SLC24A3: variants seen among roughly 807,000 people sequenced by gnomAD.
The protein encoded by SLC24A3 is sodium/potassium/calcium exchanger 3.
A neutral mutation model predicts 75.8 loss-of-function variants in SLC24A3; 28 were observed. The ratio of observed to expected loss-of-function variants is 0.37; its 90% CI spans 0.27 to 0.51. SLC24A3 has a LOEUF of 0.51. SLC24A3 is among the 20% of genes least tolerant of loss of function. The pLI is 0.94. For missense variants in SLC24A3, 663 were observed against 847.8 expected, an observed-to-expected ratio of 0.78 and a Z score of 2.71; for synonymous variants, 372 against 334.1, an observed-to-expected ratio of 1.11 and a Z score of -1.24.
chr20:19,286,086 G>A (rs1568578921), intron 2 of SLC24A3, among the ~76,000 whole-genome samples: 1 of 152,146 alleles, frequency 6.6e-6, no homozygotes. Flanking sequence ...CTTGATAAAG[G>A]ATCATCCCAC....
chr20:19,659,174 T>C (rs1166896092), intron 7 of SLC24A3, among the ~76,000 whole-genome samples: 2 of 152,196 alleles, frequency 1.3e-5, no homozygotes, highest in African/African-American at 4.8e-5. Flanking sequence ...TCACAAGTGC[T>C]GTCTGTCTGC....
intron 7 of SLC24A3, among the ~76,000 whole-genome samples, chr20:19,656,621 A>AT (rs141035019): frequency 1.3e-5 from 2 of 151,916 alleles, no homozygotes; most frequent in Non-Finnish European, 2.9e-5. Context: ...TTTGAAAAAA[A>AT]TTTTTTTTCA....
chr20:19,318,803 G>A (rs180868680), intron 2 of SLC24A3, among the ~76,000 whole-genome samples: 5 of 152,286 alleles, frequency 3.3e-5, no homozygotes. Context: ...CATGTCCCCA[G>A]AACTGCTGTC....
intron 1 of SLC24A3, among the ~76,000 whole-genome samples, chr20:19,234,595 A>G (rs1432290913): frequency 6.6e-6 from 1 of 152,144 alleles, no homozygotes; most frequent in Non-Finnish European, 1.5e-5. Flanking sequence ...TCCTTATGAG[A>G]TGGGATCCAG....
At chr20:19,423,489 C>T (rs1038288353) in intron 2 of SLC24A3, among the ~76,000 whole-genome samples, 3 of 152,124 alleles carry the variant, frequency 2.0e-5, no homozygotes, top group African/African-American at 7.2e-5. Flanking sequence ...CAGGAGCCCC[C>T]GGGAGGTGTT....
chr20:19,356,316 C>T (rs1308610316), intron 2 of SLC24A3, among the ~76,000 whole-genome samples: 1 of 152,230 alleles, frequency 6.6e-6, no homozygotes, highest in South Asian at 2.1e-4. Flanking sequence ...AGGGCAACTA[C>T]TAACTAGAAT....
intron 6 of SLC24A3, among the ~76,000 whole-genome samples, chr20:19,600,695 G>A (rs1201928217): frequency 6.6e-6 from 1 of 152,150 alleles, no homozygotes; most frequent in African/African-American, 2.4e-5. Context: ...TTCTTGTCCT[G>A]TCACCCAGGC....
At chr20:19,443,186 C>T (rs1056104574) in intron 2 of SLC24A3, among the ~76,000 whole-genome samples, 4 of 152,138 alleles carry the variant, frequency 2.6e-5, no homozygotes, top group Non-Finnish European at 4.4e-5. Flanking sequence ...ACTGTATAAA[C>T]TCTGGAATCA....
chr20:19,299,801 A>G lies in SLC24A3; in HGVS notation c.271+18714A>G, dbSNP rs143498987. On this transcript the variant is annotated intron_variant, in intron 2 of 16. Coordinates refer to ENST00000328041, the MANE Select transcript of SLC24A3 (RefSeq NM_020689.4). ...ACTGGCTTTCCTGGCTTCAGAGTCAAAAGAAAATGGAACTATATCCACAGG... is the reference window on the plus strand; with the variant it reads ...ACTGGCTTTCCTGGCTTCAGAGTCAGAAGAAAATGGAACTATATCCACAGG... 3.8e-3 allele frequency among the ~76,000 whole-genome samples: 576 copies of G among 152,302 alleles called. 1 individual carries two copies. The highest frequency in any genetic ancestry group is 6.5e-3 in the Non-Finnish European group (442 of 68,028).
intron 1 of SLC24A3, among the ~76,000 whole-genome samples, chr20:19,266,762 C>A (rs1353936006): frequency 2.0e-5 from 3 of 152,188 alleles, no homozygotes; most frequent in Non-Finnish European, 2.9e-5. Context: ...AGTATATCAA[C>A]AGAGCCTGAG....
intron 2 of SLC24A3, among the ~76,000 whole-genome samples, chr20:19,462,946 T>C (rs1348873058): frequency 1.3e-5 from 2 of 152,194 alleles, no homozygotes; most frequent in African/African-American, 2.4e-5. Flanking sequence ...TGAGATTCTG[T>C]TTCTAAGTGC....
At chr20:19,551,230 C>T (rs1379700424) in intron 3 of SLC24A3, among the ~76,000 whole-genome samples, 1 of 152,154 alleles carries the variant, frequency 6.6e-6, no homozygotes, top group Non-Finnish European at 1.5e-5. Flanking sequence ...GTCAGGACCT[C>T]ACATGGAATA....
chr20:19,299,653 C>T (rs945773713), intron 2 of SLC24A3, among the ~76,000 whole-genome samples: 4 of 152,144 alleles, frequency 2.6e-5, no homozygotes, highest in African/African-American at 9.7e-5. Context: ...GGGCCTGGAA[C>T]TTATGTAAAC....
intron 2 of SLC24A3, among the ~76,000 whole-genome samples, chr20:19,481,400 C>A (rs1418517555): frequency 6.6e-6 from 1 of 152,152 alleles, no homozygotes; most frequent in African/African-American, 2.4e-5. Context: ...GAAATTGAGG[C>A]ATATCTGGTC....
intron 3 of SLC24A3, among the ~76,000 whole-genome samples, chr20:19,560,618 G>T (rs1486729749): frequency 6.6e-6 from 1 of 152,194 alleles, no homozygotes; most frequent in African/African-American, 2.4e-5. Context: ...CCTCCCATTA[G>T]ATCCACAGTC....
At chr20:19,497,993 C>G (rs376121754) in intron 2 of SLC24A3, among the ~76,000 whole-genome samples, 1 of 152,130 alleles carries the variant, frequency 6.6e-6, no homozygotes, top group Non-Finnish European at 1.5e-5. Flanking sequence ...CCACTCCCCA[C>G]GGCTCACGTT....
chr20:19,536,870 T>C (rs1953875551), intron 3 of SLC24A3, among the ~76,000 whole-genome samples: 1 of 152,166 alleles, frequency 6.6e-6, no homozygotes, highest in African/African-American at 2.4e-5. Context: ...TATACAAAAA[T>C]TAATTCAAGA....
intron 2 of SLC24A3, among the ~76,000 whole-genome samples, chr20:19,318,653 G>A (rs1600426570): frequency 6.6e-6 from 1 of 152,070 alleles, no homozygotes. Context: ...TCTCTTGCTT[G>A]TCCCACAGGT....
chr20:19,422,512 A>G (rs752790520), intron 2 of SLC24A3, among the ~76,000 whole-genome samples: 3 of 152,282 alleles, frequency 2.0e-5, no homozygotes, highest in East Asian at 3.9e-4. Context: ...GACCTGGGCT[A>G]TCCTGCTCTC....
Sources: allele counts gnomAD v4.1 joint callset (sites outside exome capture counted in the v4.1 genomes callset), GRCh38; gene constraint gnomAD v4.1.1; transcripts MANE v1.5; gene names NCBI Gene and HGNC (gene_info 2026-07-23, HGNC 2026-07-21).